Variants in CLMN observed in about 807,000 individuals in gnomAD.
CLMN encodes calmin.
CLMN carries 57 observed loss-of-function variants against 92.7 expected under a neutral mutation model. The ratio of observed to expected loss-of-function variants is 0.61; its 90% CI spans 0.50 to 0.77. The LOEUF (loss-of-function observed/expected upper bound fraction) is 0.77. CLMN is among the 30% of genes least tolerant of loss of function. CLMN has a pLI of 0.00. For synonymous variants in CLMN, 466 were observed against 470.6 expected (o/e 0.99, Z 0.13); for missense variants, 1,158 against 1,237.5 (o/e 0.94, Z 0.96).
At chr14:95,248,179 G>A (rs528779299) in intron 1 of CLMN, among the ~76,000 whole-genome samples, 40 of 151,678 alleles carry the variant, frequency 2.6e-4, no homozygotes, top group African/African-American at 8.7e-4. Context: ...ACACCAGCTC[G>A]TTGCAATGTA....
Position 95,294,831 on chromosome 14 carries a change from T to C in CLMN, c.82+24880A>G, listed in dbSNP as rs1221658475. ...TGGGGTGGAGGGGCCACATCACTTATTCCTCTGCTGCCTCCTACTCTTGCT... is the reference window on the plus strand; with the variant it reads ...TGGGGTGGAGGGGCCACATCACTTACTCCTCTGCTGCCTCCTACTCTTGCT... On this transcript the variant is annotated intron_variant, in intron 1 of 12. Coordinates refer to ENST00000298912, the MANE Select transcript of CLMN (RefSeq NM_024734.4). This position sits in a 1 kb window ranked among gnomAD's most constrained non-coding sequence, Gnocchi z 4.2. Among the ~76,000 whole-genome samples, 1 of 152,184 alleles carries C rather than the reference T, an allele frequency of 6.6e-6. No individual in the cohort carries two copies. Among genetic ancestry groups the C allele is most frequent in the Non-Finnish European group, 1.5e-5 (1 of 68,028 alleles).
At chr14:95,313,936 G>A (rs1901650782) in intron 1 of CLMN, among the ~76,000 whole-genome samples, 1 of 152,194 alleles carries the variant, frequency 6.6e-6, no homozygotes, top group Non-Finnish European at 1.5e-5. Flanking sequence ...CTGCAGATCT[G>A]GTGAGACATC....
At chr14:95,317,596 T>TG (rs1283906423) in intron 1 of CLMN, among the ~76,000 whole-genome samples, 1 of 135,368 alleles carries the variant, frequency 7.4e-6, no homozygotes, top group Non-Finnish European at 1.6e-5. Context: ...AGCACAATGC[T>TG]GGGAAAAAAA....
Position 95,194,159 on chromosome 14 carries a change from T to C in CLMN, c.2770-240A>G, listed in dbSNP as rs989048238. The C allele has an allele frequency of 3.5e-6, 5 of 1,409,316 alleles. No individual in the cohort carries two copies. Among genetic ancestry groups the C allele is most frequent in the South Asian group, 1.6e-5 (1 of 62,208 alleles). The allele number at this position is 1,409,316 out of a possible 1,614,324, so 87.3% of individuals were successfully genotyped here. A position where few individuals can be genotyped will look rare whatever the true frequency, so the allele number is the denominator to read the frequency against. On this transcript the variant is annotated intron_variant, in intron 11 of 12. Coordinates refer to ENST00000298912, the MANE Select transcript of CLMN (RefSeq NM_024734.4). The surrounding 1 kb of genome is among the most constrained non-coding windows in gnomAD (Gnocchi z 4.0). ...ACCACCCGGAACCCGGATTGGGGTG[T>C]GCTGCTCCGGGTTCTAACACATCTG...
chr14:95,260,636 A>G (rs935289411), intron 1 of CLMN: 1 of 152,368 alleles, frequency 6.6e-6, no homozygotes, highest in Non-Finnish European at 1.5e-5. Flanking sequence ...CTTACAGTCC[A>G]TGTCAAATGT....
At chr14:95,275,916 G>C (rs943340263) in intron 1 of CLMN, among the ~76,000 whole-genome samples, 4 of 152,184 alleles carry the variant, frequency 2.6e-5, no homozygotes, top group African/African-American at 9.7e-5. Context: ...GCCCACCTCA[G>C]CCTCCCAAAG....
chr14:95,242,563 C>T (rs1898291814), intron 1 of CLMN, among the ~76,000 whole-genome samples: 1 of 136,212 alleles, frequency 7.3e-6, no homozygotes, highest in Admixed American at 7.0e-5. Context: ...CCCAGCCTGG[C>T]ATCTCTTTTT....
chr14:95,221,771 G>A lies in CLMN; in HGVS notation c.244C>T (p.His82Tyr), dbSNP rs1343693218. The A allele has an allele frequency of 6.2e-7, 1 of 1,614,066 alleles. No homozygotes were observed. The highest frequency in any genetic ancestry group is 8.5e-7 in the Non-Finnish European group (1 of 1,179,978). Residue 82 changes from histidine to tyrosine, a missense_variant, in exon 4 of 13, where the codon CAC (histidine) becomes TAC (tyrosine). By Grantham distance (83) the His-to-Tyr change is moderately conservative. Transcript: ENST00000298912. The stretch of plus-strand genomic sequence containing the variant: ...CGATGCGACGAGGATTTGTATTCGT[G>A]CAGCTATAAAACAGAACAGAACAAA... ...LEVLSGRNLL[H>Y]EYKSSSHRIF...
rs1389388693 is a variant in CLMN at position 95,204,575 on chromosome 14, T to C, written c.886-112A>G. On this transcript the variant is annotated intron_variant, in intron 8 of 12. Coordinates refer to ENST00000298912, the MANE Select transcript of CLMN (RefSeq NM_024734.4). ...TATTTAAGTACAACCCATATCCACC[T>C]TTCCCAAAACACAAACAAACAAAAA... The C allele has an allele frequency of 3.9e-6, 4 of 1,023,374 alleles. No homozygotes were observed. In the African/African-American group the frequency reaches 4.9e-5, roughly 12 times the overall value. 63.4% of individuals were successfully genotyped at this position (1,023,374 alleles called of 1,614,324 possible).
At chr14:95,298,135 T>A (rs991201220) in intron 1 of CLMN, among the ~76,000 whole-genome samples, 1 of 152,208 alleles carries the variant, frequency 6.6e-6, no homozygotes, top group African/African-American at 2.4e-5. Context: ...GCGTCATCGA[T>A]CAACCCCACC....
chr14:95,292,808 G>A (rs535652257), intron 1 of CLMN, among the ~76,000 whole-genome samples: 6 of 152,230 alleles, frequency 3.9e-5, no homozygotes, highest in African/African-American at 1.2e-4. Context: ...CAGGGAGGGC[G>A]AGATGAAGCT....
intron 1 of CLMN, among the ~76,000 whole-genome samples, chr14:95,279,612 T>C (rs560423344): frequency 5.2e-4 from 79 of 152,354 alleles, no homozygotes; most frequent in Middle Eastern, 3.4e-3. Context: ...TGAAACCCTG[T>C]CTCTACTAAA....
intron 1 of CLMN, among the ~76,000 whole-genome samples, chr14:95,303,223 G>A (rs1901132388): frequency 6.6e-6 from 1 of 152,216 alleles, no homozygotes; most frequent in Non-Finnish European, 1.5e-5. Context: ...ATAAAAGCAA[G>A]CAGGACTCCA....
At chr14:95,193,647 GTTAA>G (rs1473141127) in intron 12 of CLMN, among the ~76,000 whole-genome samples, 198 bp downstream of exon 12, 1 of 152,248 alleles carries the variant, frequency 6.6e-6, no homozygotes, top group East Asian at 1.9e-4. Flanking sequence ...AACCATCAGT[GTTAA>G]TTAATATCTA....
chr14:95,199,198 C>G (rs1045207440), intron 9 of CLMN: 7 of 152,238 alleles, frequency 4.6e-5, no homozygotes, highest in African/African-American at 9.7e-5. Context: ...ACCAGCCCCC[C>G]ACTTCTGGCC....
intron 1 of CLMN, among the ~76,000 whole-genome samples, chr14:95,282,159 G>A (rs957227843): frequency 6.6e-6 from 1 of 152,232 alleles, no homozygotes; most frequent in Middle Eastern, 3.2e-3. Context: ...GGAACACCAT[G>A]TACAAAAAGA....
chr14:95,283,142 G>A (rs538651702), intron 1 of CLMN, among the ~76,000 whole-genome samples: 3 of 152,324 alleles, frequency 2.0e-5, no homozygotes, highest in African/African-American at 7.2e-5. Flanking sequence ...AGGTAATTGA[G>A]TCACAGGGGC....
intron 1 of CLMN, among the ~76,000 whole-genome samples, chr14:95,288,133 G>A (rs939107091): frequency 1.3e-5 from 2 of 152,138 alleles, no homozygotes; most frequent in Admixed American, 6.5e-5. Flanking sequence ...CTAAACCCAC[G>A]TACAATTTCT....
Position 95,215,683 on chromosome 14 carries a change from A to C in CLMN, c.375T>G (p.Ser125=), listed in dbSNP as rs755875174. ...TGTTCCATATCAGCCCAAGAACCAA[A>C]GAAGGGTTGCCATCTGCTATTTCTG... is the stretch of plus-strand genomic sequence containing the variant. ...DAAEIADGNP[S]LVLGLIWNII... Residue 125 remains serine (S), a synonymous_variant, in exon 5 of 13, where the codon TCT becomes TCG. Transcript: ENST00000298912. 1 of 1,614,104 alleles carries C rather than the reference A, an allele frequency of 6.2e-7. No individual in the cohort carries two copies. Among genetic ancestry groups the C allele is most frequent in the African/African-American group, 1.3e-5 (1 of 74,944 alleles).
Sources: gnomAD v4.1 joint callset for allele counts (sites outside exome capture counted in the v4.1 genomes callset) on GRCh38, gnomAD v4.1.1 for gene constraint, Gnocchi (gnomAD v3.1) non-coding constraint, MANE v1.5 for transcripts, NCBI Gene and HGNC (gene_info 2026-07-23, HGNC 2026-07-21) for gene names.